GREB1: variants seen among roughly 807,000 people sequenced by gnomAD.
GREB1 encodes protein GREB1.
A neutral mutation model predicts 200.7 loss-of-function variants in GREB1; 106 were observed. The observed-to-expected ratio is 0.53, with a 90% CI of 0.45 to 0.62. The LOEUF is 0.62. Ranked by LOEUF, GREB1 falls within the 20% of genes least tolerant of loss-of-function variation. The pLI, the probability that GREB1 is intolerant of heterozygous loss-of-function variation, is 0.00. For synonymous variants in GREB1, 1,132 were observed against 1,092.4 expected (o/e 1.04, Z -0.72); for missense variants, 2,243 against 2,556.8 (o/e 0.88, Z 2.65).
At chr2:11,567,489 G>T (rs192621082) in intron 4 of GREB1, among the ~76,000 whole-genome samples, 1 of 152,148 alleles carries the variant, frequency 6.6e-6, no homozygotes, top group African/African-American at 2.4e-5. Context: ...GCTCAAGGCC[G>T]CGTGAGTAAA....
rs145391343 is a variant in GREB1 at position 11,623,853 on chromosome 2, C to A, written c.4148-1301C>A. 1.8e-3 allele frequency among the ~76,000 whole-genome samples: 274 copies of A among 152,206 alleles called. 2 individuals carry two copies. The East Asian group carries it at 0.032, about 18-fold the overall frequency. On this transcript the variant is annotated intron_variant, in intron 23 of 32. Coordinates refer to ENST00000381486, the MANE Select transcript of GREB1 (RefSeq NM_014668.4). ...GCAGTGAGCTGAGATGGTGCCACTC[C>A]ATCCTGGAGTGACACTCCAGCCTGG...
intron 1 of GREB1, among the ~76,000 whole-genome samples, chr2:11,496,515 G>A (rs1270841729): frequency 1.3e-5 from 1 of 79,554 alleles, no homozygotes; most frequent in African/African-American, 4.7e-5. Context: ...TCCCCACCCC[G>A]CCCGCCCCCC....
rs183596171 is a variant in GREB1 at position 11,625,811 on chromosome 2, G to A, written c.4306+499G>A. On this transcript the variant is annotated intron_variant, in intron 24 of 32. Transcript: ENST00000381486. Reference sequence around the variant, plus strand: ...AAATGACTGTGTTAGTCCGTTTCACGCTGCTGATAAAGACATACCTGAGAC... The same window carrying A: ...AAATGACTGTGTTAGTCCGTTTCACACTGCTGATAAAGACATACCTGAGAC... Among the ~76,000 whole-genome samples the A allele has an allele frequency of 6.0e-4, 91 of 152,230 alleles. No individual in the cohort carries two copies. The Middle Eastern group carries it at 0.014, about 23-fold the overall frequency.
At position 11,633,188 on chromosome 2, in the gene GREB1, G is replaced by T; in HGVS notation, c.4991+125G>T. ...GAGGGCCTCTCATAGTAGAAGGGGTGGTTGTGGTTGTGGTTCCCAGAGTCC... is the reference window on the plus strand; with the variant it reads ...GAGGGCCTCTCATAGTAGAAGGGGTTGTTGTGGTTGTGGTTCCCAGAGTCC... On this transcript the variant is annotated intron_variant, in intron 28 of 32. Transcript: ENST00000381486. The surrounding 1 kb of genome is among the most constrained non-coding windows in gnomAD (Gnocchi z 4.1). 5.9e-6 allele frequency: 5 copies of T among 851,746 alleles called. No homozygotes were observed. The highest frequency in any genetic ancestry group is 9.4e-6 in the Non-Finnish European group (5 of 533,122). 52.8% of individuals were successfully genotyped at this position (851,746 alleles called of 1,614,324 possible).
chr2:11,549,246 T>TC (rs1392704186), intron 1 of GREB1, among the ~76,000 whole-genome samples: 1 of 152,134 alleles, frequency 6.6e-6, no homozygotes, highest in Non-Finnish European at 1.5e-5. Context: ...TGTCTTTTTT[T>TC]CCCCCATGAA....
Position 11,606,758 on chromosome 2 carries a change from CATTATTATTATTATTATT to C in GREB1, c.2667-3905_2667-3888del, listed in dbSNP as rs3035992. 7.8e-3 allele frequency among the ~76,000 whole-genome samples: 1,113 copies of C among 143,294 alleles called. 15 individuals are homozygous for C. The highest frequency in any genetic ancestry group is 0.027 in the African/African-American group (1,028 of 38,030). The allele number at this position is 143,294 out of a possible 152,430, so 94.0% of individuals were successfully genotyped here. A position where few individuals can be genotyped will look rare whatever the true frequency, so the allele number is the denominator to read the frequency against. Reference sequence around the variant, plus strand: ...ATTGATTGCTATTTGATTTTAGTTTCATTATTATTATTATTATTATTATTATTATTATTATTATTATTT... The same window carrying C: ...ATTGATTGCTATTTGATTTTAGTTTCATTATTATTATTATTATTATTATTT... On this transcript the variant is annotated intron_variant, in intron 17 of 32. Transcript: ENST00000381486.
chr2:11,607,513 T>A (rs909673002), intron 17 of GREB1, among the ~76,000 whole-genome samples: 1 of 116,674 alleles, frequency 8.6e-6, no homozygotes, highest in African/African-American at 3.3e-5. Context: ...TACATATATG[T>A]ACATACATAT....
chr2:11,575,249 A>G (rs964142520), intron 4 of GREB1, among the ~76,000 whole-genome samples: 4 of 152,238 alleles, frequency 2.6e-5, no homozygotes, highest in Admixed American at 1.3e-4. Context: ...AAGACCTTTG[A>G]GCCCAAAGAA....
At chr2:11,538,921 CCCCTCGTGT>C (rs1350303841) in intron 1 of GREB1, among the ~76,000 whole-genome samples, 1 of 39,442 alleles carries the variant, frequency 2.5e-5, no homozygotes, top group Non-Finnish European at 5.7e-5. Flanking sequence ...CCCCTCCCCT[CCCCTCGTGT>C]CCCCTCCCCT....
chr2:11,516,732 C>T (rs999419972), intron 1 of GREB1, among the ~76,000 whole-genome samples: 5 of 152,186 alleles, frequency 3.3e-5, no homozygotes, highest in South Asian at 4.1e-4. Context: ...ACCTTGGCGC[C>T]GTCCATCTAA....
At chr2:11,515,262 T>A (rs1004065037) in intron 1 of GREB1, among the ~76,000 whole-genome samples, 1 of 152,202 alleles carries the variant, frequency 6.6e-6, no homozygotes, top group East Asian at 1.9e-4. Context: ...CCAGGTATTA[T>A]GGCCAGTGCA....
rs1405710350 is a variant in GREB1 at position 11,566,733 on chromosome 2, G to A, written c.454+77G>A. On this transcript the variant is annotated intron_variant, in intron 4 of 32. Coordinates refer to ENST00000381486, the MANE Select transcript of GREB1 (RefSeq NM_014668.4). ...GGGTCAAGGGAGGTCACGGCGGGGG[G>A]TGGTGGCAACAGAGGGACCATCTTT... 4.4e-6 allele frequency: 6 copies of A among 1,360,240 alleles called. No individual in the cohort carries two copies. The East Asian group carries it at 1.2e-4, about 27-fold the overall frequency. 84.3% of individuals were successfully genotyped at this position (1,360,240 alleles called of 1,614,324 possible). A position where few individuals can be genotyped will look rare whatever the true frequency, so the allele number is the denominator to read the frequency against.
Position 11,618,613 on chromosome 2 carries a change from G to C in GREB1, c.3738G>C (p.Gln1246His), listed in dbSNP as rs766641086. The change falls in exon 22 of 33, where the codon CAG becomes CAC. Residue 1246 changes from glutamine (Q) to histidine (H), a missense_variant. Gln to His is a conservative substitution (Grantham distance 24). Around this residue, in one of 3 missense-constraint regions of GREB1, gnomAD observed 587 missense variants for 553.1 expected, o/e 1.06. Coordinates refer to ENST00000381486, the MANE Select transcript of GREB1 (RefSeq NM_014668.4). ...AAGTWVLQAS[Q>H]CSLTKACRQP... ...GCACGTGGGTCCTGCAGGCCTCCCA[G>C]TGCTCCTTGACCAAGGCCTGCCGCC... 3.7e-6 allele frequency: 6 copies of C among 1,613,242 alleles called. No individual in the cohort carries two copies. The East Asian group carries it at 1.1e-4, about 30-fold the overall frequency.
chr2:11,490,947 C>T (rs1672763297), intron 1 of GREB1, among the ~76,000 whole-genome samples: 1 of 152,188 alleles, frequency 6.6e-6, no homozygotes, highest in African/African-American at 2.4e-5. Context: ...AACTGCCAAG[C>T]TGATTTCCAA....
intron 21 of GREB1, among the ~76,000 whole-genome samples, chr2:11,617,468 C>T (rs970482489): frequency 2.6e-5 from 4 of 152,228 alleles, no homozygotes; most frequent in African/African-American, 9.6e-5. Flanking sequence ...TCATAAAAGA[C>T]GTGTTATTTT....
At chr2:11,606,769 T>TTA (rs975599151) in intron 17 of GREB1, among the ~76,000 whole-genome samples, 1 of 53,242 alleles carries the variant, frequency 1.9e-5, no homozygotes, top group Non-Finnish European at 5.8e-5. Context: ...ATTATTATTA[T>TTA]TATTATTATT....
At chr2:11,501,922 T>G (rs1291482174) in intron 1 of GREB1, among the ~76,000 whole-genome samples, 1 of 116,968 alleles carries the variant, frequency 8.5e-6, no homozygotes, top group Non-Finnish European at 1.7e-5. Context: ...TTTTTTTTTT[T>G]TTTTTTTTTT....
chr2:11,562,674 G>A (rs1677196315), intron 3 of GREB1, 92 bp downstream of exon 3: 2 of 1,377,628 alleles, frequency 1.5e-6, no homozygotes, highest in African/African-American at 1.5e-5. Flanking sequence ...ACTGTGTGCT[G>A]CAGGGGTCCT....
intron 18 of GREB1, among the ~76,000 whole-genome samples, chr2:11,611,424 C>T (rs542898014): frequency 4.6e-5 from 7 of 152,294 alleles, no homozygotes; most frequent in Admixed American, 4.6e-4. Flanking sequence ...GGGATCCTCC[C>T]ACCTCAGGCT....
Sources: allele counts gnomAD v4.1 joint callset (sites outside exome capture counted in the v4.1 genomes callset), GRCh38; gene constraint gnomAD v4.1.1; regional missense constraint gnomAD v4.1.1; non-coding constraint Gnocchi (gnomAD v3.1); transcripts MANE v1.5; gene names NCBI Gene and HGNC (gene_info 2026-07-23, HGNC 2026-07-21).